The following RHOT1 variants were observed in gnomAD, a reference collection of about 807,000 sequenced individuals.
The protein encoded by RHOT1 is ras homolog family member T1.
Under a neutral mutation model 95.3 loss-of-function variants are expected in RHOT1, and 27 were observed. The observed-to-expected ratio is 0.28, with a 90% CI of 0.21 to 0.39. RHOT1 has a LOEUF of 0.39. RHOT1 is among the 10% of genes least tolerant of loss of function. The pLI, the probability that RHOT1 is intolerant of heterozygous loss-of-function variation, is 1.00. For missense variants in RHOT1, 578 were observed against 786.7 expected (o/e 0.73, Z 3.17); for synonymous variants, 227 against 263.5 (o/e 0.86, Z 1.34).
rs370954204 is a variant in RHOT1, at chr17:32,164,112, G to A, written c.38-6931G>A. The stretch of plus-strand genomic sequence containing the variant: ...GGAGGTTGCAGTGAACCAAGATCGC[G>A]CCACTGCGCGAAAAGAATAGTGCCT... On this transcript the variant is annotated intron_variant, in intron 1 of 19. Coordinates refer to ENST00000545287, the MANE Select transcript of RHOT1 (RefSeq NM_001033566.3). 1.1e-4 allele frequency among the ~76,000 whole-genome samples: 16 copies of A among 152,242 alleles called. No homozygotes were observed. The East Asian group carries it at 1.9e-3, about 18-fold the overall frequency.
chr17:32,196,569 C>T (rs2036906713), intron 11 of RHOT1, among the ~76,000 whole-genome samples: 1 of 152,144 alleles, frequency 6.6e-6, no homozygotes, highest in Non-Finnish European at 1.5e-5. Flanking sequence ...TGCCTTCATT[C>T]TGGAAGTCAA....
rs562654051 is a variant in RHOT1 at position 32,163,069 on chromosome 17, ATTAT to A, written c.38-7969_38-7966del. On this transcript the variant is annotated intron_variant, in intron 1 of 19. Transcript: ENST00000545287. The stretch of plus-strand genomic sequence containing the variant: ...GATTAGGTAGGTGAGCTAGGGATAG[ATTAT>A]TTATGATATTCAAAGGCCAGTAGAA... 8.7e-3 allele frequency among the ~76,000 whole-genome samples: 1,330 copies of A among 152,272 alleles called. 3 individuals are homozygous for A. Among genetic ancestry groups the A allele is most frequent in the Non-Finnish European group, 0.013 (860 of 68,016 alleles).
intron 1 of RHOT1, among the ~76,000 whole-genome samples, chr17:32,152,578 C>T (rs548858716): frequency 6.6e-6 from 1 of 151,164 alleles, no homozygotes; most frequent in Non-Finnish European, 1.5e-5. Context: ...AAATAAACTT[C>T]CACTTCTGCT....
chr17:32,184,686 C>T (rs967669974), intron 8 of RHOT1, among the ~76,000 whole-genome samples: 14 of 151,806 alleles, frequency 9.2e-5, no homozygotes, highest in Admixed American at 3.3e-4. Context: ...TTTGTAAAGA[C>T]AGGGTTTCGC....
chr17:32,161,366 T>C (rs528653673), intron 1 of RHOT1, among the ~76,000 whole-genome samples: 4 of 152,274 alleles, frequency 2.6e-5, no homozygotes, highest in African/African-American at 7.2e-5. Flanking sequence ...TGCAAAAATA[T>C]GAAAAACATC....
intron 19 of RHOT1, among the ~76,000 whole-genome samples, chr17:32,222,480 T>C (rs996018146): frequency 2.1e-4 from 32 of 152,206 alleles, no homozygotes; most frequent in Non-Finnish European, 4.7e-4. Flanking sequence ...ACCAGCCTCA[T>C]AGGGATGTTT....
rs958319870 is a variant in RHOT1 at position 32,175,138 on chromosome 17, G to A, written c.179-181G>A. ...GCCTGAGTTATCCTTTTATAGACTC[G>A]TCTTTCAGGGCCAGCTGCCTTATCG... On this transcript the variant is annotated intron_variant, in intron 3 of 19. Transcript: ENST00000545287. Among the ~76,000 whole-genome samples the A allele has an allele frequency of 1.4e-4, 21 of 152,142 alleles. 1 individual carries two copies. Among genetic ancestry groups the A allele is most frequent in the South Asian group, 1.0e-3 (5 of 4,824 alleles).
At chr17:32,202,973 GCCATTGA>G (rs940234414) in intron 15 of RHOT1, 73 bp downstream of exon 15, 11 of 1,458,746 alleles carry the variant, frequency 7.5e-6, no homozygotes, top group South Asian at 1.2e-5. Flanking sequence ...TGTTTTCATA[GCCATTGA>G]CCTTTTTAGA....
intron 6 of RHOT1, among the ~76,000 whole-genome samples, chr17:32,177,742 G>A (rs1478795536): frequency 2.1e-5 from 3 of 140,542 alleles, no homozygotes; most frequent in Middle Eastern, 3.4e-3. Context: ...GCAACAGAGC[G>A]AGACTCCGTC....
rs977255742 is a variant in RHOT1, at chr17:32,173,291, C to T, written c.97-540C>T. 3.9e-5 allele frequency among the ~76,000 whole-genome samples: 6 copies of T among 152,108 alleles called. No homozygotes were observed. The South Asian group carries it at 1.2e-3, about 32-fold the overall frequency. On this transcript the variant is annotated intron_variant, in intron 2 of 19. Coordinates refer to ENST00000545287, the MANE Select transcript of RHOT1 (RefSeq NM_001033566.3). The stretch of plus-strand genomic sequence containing the variant: ...AAGTGTTTCAGATTTCAGATTTGTT[C>T]AGATTTTGGAATGTTTGCATTATAC...
rs750575433 is a variant in RHOT1, at chr17:32,142,611, T to C, written c.-82T>C. 1.6e-6 allele frequency: 2 copies of C among 1,261,032 alleles called. No homozygotes were observed. The allele number at this position is 1,261,032 out of a possible 1,614,324, so 78.1% of individuals were successfully genotyped here. A position where few individuals can be genotyped will look rare whatever the true frequency, so the allele number is the denominator to read the frequency against. On this transcript the variant is annotated 5_prime_UTR_variant, in exon 1 of 20. Transcript: ENST00000545287. ...CCCGGCGGCCGAAGAGGCTGGCAGGTGGCGCCGTGGGGTGGGTGCTCCTGG... is the reference window on the plus strand; with the variant it reads ...CCCGGCGGCCGAAGAGGCTGGCAGGCGGCGCCGTGGGGTGGGTGCTCCTGG...
chr17:32,206,513 G>A (rs1400607175), intron 16 of RHOT1, among the ~76,000 whole-genome samples: 10 of 135,904 alleles, frequency 7.4e-5, no homozygotes, highest in African/African-American at 1.1e-4. Context: ...GTGCAGTGGC[G>A]CAATCTCTGC....
At chr17:32,207,128 CAT>C in intron 17 of RHOT1, 99 bp downstream of exon 17, 2 of 1,149,060 alleles carry the variant, frequency 1.7e-6, no homozygotes, top group South Asian at 1.6e-5. Context: ...GCAACAAAAT[CAT>C]GTGTATTTTA....
At chr17:32,224,147 C>A (rs1301984460) in intron 19 of RHOT1, among the ~76,000 whole-genome samples, 1 of 152,082 alleles carries the variant, frequency 6.6e-6, no homozygotes, top group Non-Finnish European at 1.5e-5. Flanking sequence ...TGACTTTAAT[C>A]ATTTCTCTTA....
At chr17:32,151,310 G>A (rs1388779305) in intron 1 of RHOT1, 1 of 642,132 alleles carries the variant, frequency 1.6e-6, no homozygotes, top group African/African-American at 1.8e-5. Flanking sequence ...TACTTGGGAG[G>A]CTAAGGTGGG....
intron 6 of RHOT1, among the ~76,000 whole-genome samples, chr17:32,176,897 A>G (rs1008258989): frequency 1.3e-5 from 2 of 152,136 alleles, no homozygotes; most frequent in African/African-American, 4.8e-5. Flanking sequence ...GGAAAATCAG[A>G]CTAATATCTA....
chr17:32,181,626 C>T lies in RHOT1; in HGVS notation c.330-1131C>T, dbSNP rs571626149. On this transcript the variant is annotated intron_variant, in intron 6 of 19. Coordinates refer to ENST00000545287, the MANE Select transcript of RHOT1 (RefSeq NM_001033566.3). ...TGTTATCCAGCTTCAACAATTAACT[C>T]ATGGCCAGTCTTGTTTCATCTATTA... Among the ~76,000 whole-genome samples, 3 of 152,282 alleles carry T rather than the reference C, an allele frequency of 2.0e-5. No individual in the cohort carries two copies. The East Asian group carries it at 5.8e-4, about 29-fold the overall frequency.
Position 32,192,192 on chromosome 17 carries a change from G to A in RHOT1, c.541-9G>A. On this transcript the variant is annotated splice_polypyrimidine_tract_variant and intron_variant, in intron 8 of 19. Transcript: ENST00000545287. ...TTAAACAATTATTTCTTTTCTCAAT[G>A]ATTTATAGATGAAACCAGCTTGTAT... is the stretch of plus-strand genomic sequence containing the variant. 7.9e-7 allele frequency: 1 copy of A among 1,263,070 alleles called. No individual in the cohort carries two copies. Among genetic ancestry groups the A allele is most frequent in the South Asian group, 1.3e-5 (1 of 75,884 alleles). The allele number at this position is 1,263,070 out of a possible 1,614,324, so 78.2% of individuals were successfully genotyped here. A position where few individuals can be genotyped will look rare whatever the true frequency, so the allele number is the denominator to read the frequency against.
chr17:32,208,188 A>G lies in RHOT1; in HGVS notation c.1618A>G (p.Ile540Val), dbSNP rs754721082. Residue 540 changes from isoleucine (I) to valine (V), a missense_variant, in exon 18 of 20, where the codon ATT becomes GTT. Ile to Val is a conservative substitution (Grantham distance 29). This residue lies in a region of RHOT1 where 296 missense variants were observed against 338.5 expected (regional missense o/e 0.87). Transcript: ENST00000545287. ...GCATGAAGTTAAACAAGAATACAGT[A>G]TTTCACCTACTGATTTCTGCAGGAA... ...DLHEVKQEYS[I>V]SPTDFCRKHK... The G allele has an allele frequency of 1.2e-6, 2 of 1,614,098 alleles. No individual in the cohort carries two copies. Among genetic ancestry groups the G allele is most frequent in the South Asian group, 2.2e-5 (2 of 91,086 alleles).
Sources: allele counts gnomAD v4.1 joint callset (sites outside exome capture counted in the v4.1 genomes callset), GRCh38; gene constraint gnomAD v4.1.1; regional missense constraint gnomAD v4.1.1; transcripts MANE v1.5; gene names NCBI Gene and HGNC (gene_info 2026-07-23, HGNC 2026-07-21).